PRELID2: variants seen among roughly 807,000 people sequenced by gnomAD.
PRELID2 encodes PRELI domain containing 2, also known as PRELI domain-containing protein 2.
In PRELID2, 25 loss-of-function variants were observed where a neutral mutation model predicts 28.4. The observed-to-expected ratio is 0.88, with a 90% confidence interval of 0.64 to 1.23. The LOEUF (loss-of-function observed/expected upper bound fraction) is 1.23. Ranked by LOEUF, PRELID2 falls within the 50% of genes most tolerant of loss-of-function variation. The pLI is 0.00. For synonymous variants in PRELID2, 76 were observed against 71.6 expected (o/e 1.06, Z -0.31); for missense variants, 201 against 214.4 (o/e 0.94, Z 0.39).
chr5:145,279,224 C>A, the PRELID2 span, among the ~76,000 whole-genome samples: 1 of 152,178 alleles, frequency 6.6e-6, no homozygotes, highest in Non-Finnish European at 1.5e-5. Flanking sequence ...ACATTTGCAT[C>A]AACCTAATAA....
chr5:145,624,101 G>A (rs1753812306), intron 1 of PRELID2, among the ~76,000 whole-genome samples: 2 of 152,066 alleles, frequency 1.3e-5, no homozygotes, highest in African/African-American at 4.8e-5. Flanking sequence ...ATATAACCTG[G>A]GGACATCCAA....
At chr5:145,374,263 A>T in the PRELID2 span, among the ~76,000 whole-genome samples, 1 of 151,958 alleles carries the variant, frequency 6.6e-6, no homozygotes, top group Admixed American at 6.6e-5. Flanking sequence ...GCTGGATGTG[A>T]AATTCTGGGT....
the PRELID2 span, among the ~76,000 whole-genome samples, chr5:145,239,285 G>T: frequency 6.6e-6 from 1 of 152,054 alleles, no homozygotes; most frequent in African/African-American, 2.4e-5. Flanking sequence ...AGGGGCAAAA[G>T]AATGAGGAGT....
intron 4 of PRELID2, among the ~76,000 whole-genome samples, chr5:145,815,229 C>T (rs1018978681): frequency 6.6e-6 from 1 of 152,202 alleles, no homozygotes; most frequent in Non-Finnish European, 1.5e-5. Context: ...CTTCACCAGA[C>T]ACTGGAAAGG....
At chr5:145,508,641 A>G (rs72809601) in intron 1 of PRELID2, among the ~76,000 whole-genome samples, 5,188 of 152,306 alleles carry the variant, frequency 0.034, 134 homozygotes, top group Non-Finnish European at 0.054. Flanking sequence ...ATCATAGGGC[A>G]CCTATCTTCT....
At chr5:145,654,327 T>G (rs1170315245) in intron 1 of PRELID2, among the ~76,000 whole-genome samples, 1 of 151,762 alleles carries the variant, frequency 6.6e-6, no homozygotes, top group African/African-American at 2.4e-5. Flanking sequence ...GTACAAGGAG[T>G]AGCTGGTACC....
intron 1 of PRELID2, among the ~76,000 whole-genome samples, chr5:145,627,304 T>C (rs1753862478): frequency 1.3e-5 from 2 of 151,706 alleles, no homozygotes; most frequent in South Asian, 4.2e-4. Flanking sequence ...AAATGGGTGG[T>C]AAACAATGGG....
At chr5:145,684,288 T>C (rs1275115797) in intron 1 of PRELID2, among the ~76,000 whole-genome samples, 1 of 152,166 alleles carries the variant, frequency 6.6e-6, no homozygotes, top group African/African-American at 2.4e-5. Flanking sequence ...AACAAACCAA[T>C]CTGAACTTTT....
chr5:145,348,125 C>T, the PRELID2 span, among the ~76,000 whole-genome samples: 1 of 152,232 alleles, frequency 6.6e-6, no homozygotes, highest in Admixed American at 6.5e-5. Context: ...CAGTTAAAGA[C>T]ATCAGAAAAG....
chr5:145,520,162 C>T (rs1162083674), intron 1 of PRELID2, among the ~76,000 whole-genome samples: 1 of 152,138 alleles, frequency 6.6e-6, no homozygotes, highest in Non-Finnish European at 1.5e-5. Context: ...TAAACCAAGA[C>T]TATGTTATTT....
At chr5:145,501,519 T>C (rs1049461903) in intron 1 of PRELID2, among the ~76,000 whole-genome samples, 13 of 152,148 alleles carry the variant, frequency 8.5e-5, no homozygotes, top group Admixed American at 1.3e-4. Context: ...CATACTGTTC[T>C]TGTGGTGTGA....
At chr5:145,546,171 G>A (rs113766637) in intron 1 of PRELID2, among the ~76,000 whole-genome samples, 1 of 152,126 alleles carries the variant, frequency 6.6e-6, no homozygotes, top group South Asian at 2.1e-4. Flanking sequence ...CATTTTTGAA[G>A]GCACTCTATA....
the PRELID2 span, among the ~76,000 whole-genome samples, chr5:145,388,188 T>G: frequency 2.6e-5 from 4 of 152,162 alleles, no homozygotes; most frequent in African/African-American, 9.6e-5. Context: ...AAATAAGATC[T>G]CTCATGTTTC....
intron 1 of PRELID2, among the ~76,000 whole-genome samples, chr5:145,682,303 C>G (rs1193753793): frequency 6.6e-6 from 1 of 152,156 alleles, no homozygotes; most frequent in Non-Finnish European, 1.5e-5. Flanking sequence ...TGTACAGTTT[C>G]CACCTCTGAT....
At chr5:145,479,020 T>G (rs188794112) in intron 1 of PRELID2, among the ~76,000 whole-genome samples, 1 of 152,294 alleles carries the variant, frequency 6.6e-6, no homozygotes, top group African/African-American at 2.4e-5. Flanking sequence ...GATTGAGACT[T>G]GACCAGAACC....
At chr5:145,353,568 G>A in the PRELID2 span, among the ~76,000 whole-genome samples, 1 of 152,146 alleles carries the variant, frequency 6.6e-6, no homozygotes, top group African/African-American at 2.4e-5. Context: ...AGGCCTCAGG[G>A]AACTTACAAT....
the PRELID2 span, among the ~76,000 whole-genome samples, chr5:145,380,286 T>G: frequency 1.3e-5 from 2 of 152,294 alleles, no homozygotes; most frequent in South Asian, 4.1e-4. Context: ...GGTAGCCCCA[T>G]GCAGCATTCC....
chr5:145,605,950 A>G (rs1753497846), intron 1 of PRELID2, among the ~76,000 whole-genome samples: 2 of 151,772 alleles, frequency 1.3e-5, no homozygotes, highest in Non-Finnish European at 2.9e-5. Flanking sequence ...ATTTCAGCAG[A>G]TTTTTTTAAT....
chr5:145,524,698 T>C (rs1485499544), intron 1 of PRELID2, among the ~76,000 whole-genome samples: 2 of 152,168 alleles, frequency 1.3e-5, no homozygotes, highest in Non-Finnish European at 2.9e-5. Context: ...CCCACAAAAC[T>C]AGGTCCCCTC....
Sources: allele counts gnomAD v4.1 joint callset (sites outside exome capture counted in the v4.1 genomes callset), GRCh38; gene constraint gnomAD v4.1.1; transcripts MANE v1.5; gene names NCBI Gene and HGNC (gene_info 2026-07-23, HGNC 2026-07-21).